The following SEMA6D variants were observed in gnomAD, a reference collection of about 807,000 sequenced individuals.
SEMA6D encodes the protein semaphorin-6D.
SEMA6D carries 35 observed loss-of-function variants against 106.6 expected under a neutral mutation model. The ratio of observed to expected loss-of-function variants is 0.33; its 90% CI spans 0.25 to 0.44. SEMA6D has a LOEUF of 0.44. Ranked by LOEUF, SEMA6D falls within the 20% of genes least tolerant of loss-of-function variation. The pLI is 1.00. For synonymous variants in SEMA6D, 499 were observed against 487.7 expected, an observed-to-expected ratio of 1.02 and a Z score of -0.31; for missense variants, 1,185 against 1,345.9, an observed-to-expected ratio of 0.88 and a Z score of 1.87.
intron 1 of SEMA6D, among the ~76,000 whole-genome samples, chr15:47,249,582 T>A (rs548843820): frequency 6.6e-6 from 1 of 152,028 alleles, no homozygotes; most frequent in African/African-American, 2.4e-5. Context: ...CAAATACTTG[T>A]GATTCAAGGA....
chr15:47,282,584 G>T (rs2035176755), intron 1 of SEMA6D, among the ~76,000 whole-genome samples: 1 of 152,118 alleles, frequency 6.6e-6, no homozygotes. Context: ...GCCTGCGAGA[G>T]TATGCATATA....
At chr15:47,599,564 T>A (rs1377349314) in intron 3 of SEMA6D, among the ~76,000 whole-genome samples, 1 of 152,034 alleles carries the variant, frequency 6.6e-6, no homozygotes, top group South Asian at 2.1e-4. Flanking sequence ...CATTTGGAAC[T>A]AAGGCAAAGA....
At chr15:47,706,785 C>A (rs761649086) in intron 4 of SEMA6D, among the ~76,000 whole-genome samples, 4 of 151,774 alleles carry the variant, frequency 2.6e-5, no homozygotes, top group Non-Finnish European at 5.9e-5. Flanking sequence ...TAAAATGGCC[C>A]ACATAATATG....
At chr15:47,728,749 G>C (rs2079926898) in intron 1 of SEMA6D, among the ~76,000 whole-genome samples, 1 of 152,176 alleles carries the variant, frequency 6.6e-6, no homozygotes, top group African/African-American at 2.4e-5. Flanking sequence ...TTCTCAGGCT[G>C]TCTTCATTTC....
chr15:47,291,554 C>A (rs2035593129), intron 1 of SEMA6D, among the ~76,000 whole-genome samples: 1 of 152,092 alleles, frequency 6.6e-6, no homozygotes, highest in Non-Finnish European at 1.5e-5. Context: ...TGATTTGAAG[C>A]ATTTGTCTCA....
intron 1 of SEMA6D, among the ~76,000 whole-genome samples, chr15:47,313,843 T>C (rs1303850997): frequency 2.0e-5 from 3 of 152,204 alleles, no homozygotes; most frequent in Non-Finnish European, 2.9e-5. Flanking sequence ...GGATTATAGG[T>C]GCAAGCCACC....
Position 47,764,134 on chromosome 15 carries a change from A to C in SEMA6D, c.966-40A>C, listed in dbSNP as rs951399718. The C allele has an allele frequency of 2.5e-6, 4 of 1,612,616 alleles. No individual in the cohort carries two copies. The African/African-American group carries it at 5.3e-5, about 22-fold the overall frequency. On this transcript the variant is annotated intron_variant, in intron 10 of 18. Coordinates refer to ENST00000536845, the MANE Select transcript of SEMA6D (RefSeq NM_001358351.3). ...GCCTGTCAGAACCAAGACAGGCTTC[A>C]TGTCGCCAGCCTCTTCCTGATGATT... is the stretch of plus-strand genomic sequence containing the variant.
intron 1 of SEMA6D, among the ~76,000 whole-genome samples, chr15:47,236,819 A>T (rs919567956): frequency 1.3e-5 from 2 of 152,216 alleles, no homozygotes; most frequent in Non-Finnish European, 1.5e-5. Flanking sequence ...TTATGAAGCA[A>T]CTTGGGCAAA....
intron 4 of SEMA6D, among the ~76,000 whole-genome samples, chr15:47,652,751 C>T (rs1254859690): frequency 3.9e-5 from 6 of 152,160 alleles, no homozygotes; most frequent in Non-Finnish European, 7.3e-5. Flanking sequence ...GGACTGGCTT[C>T]GTGCTATAAT....
intron 3 of SEMA6D, among the ~76,000 whole-genome samples, chr15:47,523,971 G>A (rs2044670375): frequency 6.6e-6 from 1 of 152,132 alleles, no homozygotes; most frequent in African/African-American, 2.4e-5. Context: ...TGGCCTATAA[G>A]CATGTTAAAC....
At chr15:47,437,720 G>A (rs978865797) in intron 2 of SEMA6D, among the ~76,000 whole-genome samples, 1 of 152,088 alleles carries the variant, frequency 6.6e-6, no homozygotes, top group African/African-American at 2.4e-5. Flanking sequence ...ATTTGTCTGA[G>A]TCATAGCCTG....
At chr15:47,667,783 G>C (rs1437351107) in intron 4 of SEMA6D, among the ~76,000 whole-genome samples, 1 of 152,064 alleles carries the variant, frequency 6.6e-6, no homozygotes, top group Non-Finnish European at 1.5e-5. Context: ...GCCCATTAAG[G>C]ATCAGATTTC....
intron 1 of SEMA6D, among the ~76,000 whole-genome samples, chr15:47,721,037 G>A (rs2079393637): frequency 6.6e-6 from 1 of 152,186 alleles, no homozygotes; most frequent in Non-Finnish European, 1.5e-5. Context: ...AGCAGTTGGG[G>A]TATGCCAACT....
At chr15:47,581,773 G>C (rs944915550) in intron 3 of SEMA6D, among the ~76,000 whole-genome samples, 1 of 152,170 alleles carries the variant, frequency 6.6e-6, no homozygotes, top group Non-Finnish European at 1.5e-5. Flanking sequence ...GAAGCCACTG[G>C]AGGACTTTTT....
At chr15:47,268,556 C>CT (rs930933600) in intron 1 of SEMA6D, among the ~76,000 whole-genome samples, 4 of 152,206 alleles carry the variant, frequency 2.6e-5, no homozygotes, top group African/African-American at 7.2e-5. Flanking sequence ...CATTAAATGT[C>CT]TGACCTCACC....
At chr15:47,324,043 T>C (rs746569232) in intron 1 of SEMA6D, among the ~76,000 whole-genome samples, 28 of 152,022 alleles carry the variant, frequency 1.8e-4, no homozygotes, top group Non-Finnish European at 4.0e-4. Flanking sequence ...TTTGATACCA[T>C]GGCACCTAAG....
chr15:47,761,160 A>G lies in SEMA6D; in HGVS notation c.285A>G (p.Lys95=). ...TTGGTTTTGCTTGATTAATACAGAA[A>G]CTGACATGGCGATCAAGACAACAGG... ...MPKTEVIPNK[K]LTWRSRQQDR... The change falls in exon 5 of 19, where the codon AAA becomes AAG. Residue 95 remains lysine (K), a splice_region_variant and synonymous_variant. Transcript: ENST00000536845. The G allele has an allele frequency of 6.2e-7, 1 of 1,613,768 alleles. No homozygotes were observed. The highest frequency in any genetic ancestry group is 8.5e-7 in the Non-Finnish European group (1 of 1,179,802).
intron 1 of SEMA6D, among the ~76,000 whole-genome samples, chr15:47,234,238 C>A (rs544071347): frequency 6.6e-6 from 1 of 152,120 alleles, no homozygotes; most frequent in Non-Finnish European, 1.5e-5. Context: ...TCACCTCTGG[C>A]AGACCTCTAG....
At chr15:47,314,523 G>T (rs1353493171) in intron 1 of SEMA6D, among the ~76,000 whole-genome samples, 1 of 138,512 alleles carries the variant, frequency 7.2e-6, no homozygotes, top group Non-Finnish European at 1.6e-5. Flanking sequence ...GCGTGAACCC[G>T]GGAGGCGGAG....
Sources: allele counts gnomAD v4.1 joint callset (sites outside exome capture counted in the v4.1 genomes callset), GRCh38; gene constraint gnomAD v4.1.1; transcripts MANE v1.5; gene names NCBI Gene and HGNC (gene_info 2026-07-23, HGNC 2026-07-21).